Variants in HTR1F observed in about 807,000 individuals in gnomAD.
HTR1F encodes 5-hydroxytryptamine (serotonin) receptor 1F, G protein-coupled.
HTR1F carries 17 observed loss-of-function variants against 24.0 expected under a neutral mutation model. The observed-to-expected ratio is 0.71, with a 90% CI of 0.48 to 1.06. The LOEUF (loss-of-function observed/expected upper bound fraction) is 1.06. Among genes scored for constraint, HTR1F ranks in the 50% least tolerant of loss-of-function variants. The pLI, the probability that HTR1F is intolerant of heterozygous loss-of-function variation, is 0.00. For synonymous variants in HTR1F, 186 were observed against 156.8 expected, an observed-to-expected ratio of 1.19 and a Z score of -1.39; for missense variants, 391 against 427.8, an observed-to-expected ratio of 0.91 and a Z score of 0.76.
intron 2 of HTR1F, among the ~76,000 whole-genome samples, chr3:87,927,558 GAAAT>G (rs1704157264): frequency 6.6e-6 from 1 of 151,902 alleles, no homozygotes; most frequent in African/African-American, 2.4e-5. Context: ...ATTATATTTA[GAAAT>G]CTAAATAATC....
chr3:87,827,854 C>T (rs1326933444), intron 2 of HTR1F, among the ~76,000 whole-genome samples: 1 of 152,140 alleles, frequency 6.6e-6, no homozygotes, highest in Non-Finnish European at 1.5e-5. Flanking sequence ...ATCATAGTTT[C>T]AGTACAACTT....
intron 2 of HTR1F, among the ~76,000 whole-genome samples, chr3:87,941,345 A>T (rs1419592018): frequency 2.0e-5 from 3 of 152,222 alleles, no homozygotes; most frequent in Non-Finnish European, 4.4e-5. Context: ...AAGCCAGTAT[A>T]GGCTGGATAC....
intron 1 of HTR1F, among the ~76,000 whole-genome samples, chr3:87,809,827 C>T (rs2932270): frequency 0.4 from 61,245 of 151,784 alleles, 15,447 homozygotes; most frequent in African/African-American, 0.72. Context: ...TCATCTTGTC[C>T]AATGTTAGCC....
intron 2 of HTR1F, among the ~76,000 whole-genome samples, chr3:87,901,183 T>C (rs1379407887): frequency 6.6e-6 from 1 of 152,200 alleles, no homozygotes; most frequent in Non-Finnish European, 1.5e-5. Flanking sequence ...TTTGTTTTCA[T>C]ACCCCATCAT....
intron 2 of HTR1F, among the ~76,000 whole-genome samples, chr3:87,912,464 A>G (rs895318478): frequency 6.6e-6 from 1 of 152,132 alleles, no homozygotes; most frequent in African/African-American, 2.4e-5. Context: ...ATGGATAGAA[A>G]GAACCAATGT....
At chr3:87,874,677 C>A (rs1705631628) in intron 2 of HTR1F, among the ~76,000 whole-genome samples, 1 of 150,386 alleles carries the variant, frequency 6.6e-6, no homozygotes, top group Non-Finnish European at 1.5e-5. Context: ...TCAAAGGACA[C>A]CAAATAGCTG....
At chr3:87,931,798 G>A (rs1212799475) in intron 2 of HTR1F, among the ~76,000 whole-genome samples, 153 of 149,244 alleles carry the variant, frequency 1.0e-3, no homozygotes, top group Middle Eastern at 3.5e-3. Context: ...CTGATGGCCA[G>A]TGATGGTGAG....
intron 2 of HTR1F, among the ~76,000 whole-genome samples, chr3:87,880,334 C>T (rs910343731): frequency 2.0e-5 from 3 of 151,804 alleles, no homozygotes; most frequent in Non-Finnish European, 2.9e-5. Flanking sequence ...GATTACATCT[C>T]AATAAAATTT....
intron 2 of HTR1F, among the ~76,000 whole-genome samples, chr3:87,903,214 G>A (rs2107330432): frequency 6.6e-6 from 1 of 151,182 alleles, no homozygotes; most frequent in South Asian, 2.1e-4. Context: ...CATAGGCATG[G>A]GCAAGGACTT....
intron 2 of HTR1F, among the ~76,000 whole-genome samples, chr3:87,946,936 T>C (rs1032275290): frequency 9.2e-5 from 14 of 152,134 alleles, no homozygotes; most frequent in African/African-American, 2.4e-5. Context: ...ATATATATTA[T>C]TAAATCAGAG....
chr3:87,958,791 C>T (rs1705000176), intron 2 of HTR1F, among the ~76,000 whole-genome samples: 1 of 151,450 alleles, frequency 6.6e-6, no homozygotes, highest in African/African-American at 2.4e-5. Flanking sequence ...TCTGATTGTG[C>T]CTTATCTCCT....
At chr3:87,975,288 CA>C (rs201445346) in intron 2 of HTR1F, among the ~76,000 whole-genome samples, 3 of 150,794 alleles carry the variant, frequency 2.0e-5, no homozygotes, top group African/African-American at 4.9e-5. Context: ...ATCCAAATCT[CA>C]AAAAAAAATC....
At chr3:87,861,967 A>G (rs1422316058) in intron 2 of HTR1F, among the ~76,000 whole-genome samples, 1 of 152,158 alleles carries the variant, frequency 6.6e-6, no homozygotes, top group Non-Finnish European at 1.5e-5. Flanking sequence ...ATTCATGTAT[A>G]TCACATTTAA....
intron 2 of HTR1F, among the ~76,000 whole-genome samples, chr3:87,903,185 T>A (rs987040182): frequency 6.6e-6 from 1 of 151,730 alleles, no homozygotes; most frequent in East Asian, 1.9e-4. Flanking sequence ...GAAGAAAACC[T>A]AGGCATTACC....
chr3:87,818,497 G>C (rs1704291847), intron 1 of HTR1F, among the ~76,000 whole-genome samples: 1 of 152,194 alleles, frequency 6.6e-6, no homozygotes, highest in African/African-American at 2.4e-5. Context: ...CAGTAGAAAT[G>C]ATGGAAGATG....
intron 2 of HTR1F, among the ~76,000 whole-genome samples, chr3:87,906,159 A>G (rs1230199055): frequency 2.0e-5 from 3 of 152,266 alleles, no homozygotes; most frequent in Admixed American, 6.6e-5. Context: ...ACTCAGGGTA[A>G]AAATACCAAA....
At chr3:87,979,731 G>A (rs1211486335) in intron 2 of HTR1F, among the ~76,000 whole-genome samples, 1 of 152,220 alleles carries the variant, frequency 6.6e-6, no homozygotes, top group Non-Finnish European at 1.5e-5. Flanking sequence ...CCAAGGCATG[G>A]AGTGGAGCAG....
In HTR1F at chr3:87,878,383, ATG is replaced by A. The variant is rs536571627; in HGVS notation, c.-43+56264_-43+56265del. Among the ~76,000 whole-genome samples, 42 of 152,344 alleles carry A rather than the reference ATG, an allele frequency of 2.8e-4. No homozygotes were observed. In the South Asian group the frequency reaches 8.3e-3, roughly 30 times the overall value. ...AAGTAAATGCTAAATCATTTTATGT[ATG>A]TGTGAAATGTCCAATTGAAACAGAA... On this transcript the variant is annotated intron_variant, in intron 2 of 2. Transcript: ENST00000319595.
intron 2 of HTR1F, among the ~76,000 whole-genome samples, chr3:87,976,033 T>C (rs1296169908): frequency 6.6e-6 from 1 of 152,230 alleles, no homozygotes; most frequent in Non-Finnish European, 1.5e-5. Flanking sequence ...ATCATTTGTC[T>C]TGTTTATGCT....
Sources: allele counts gnomAD v4.1 joint callset (sites outside exome capture counted in the v4.1 genomes callset), GRCh38; gene constraint gnomAD v4.1.1; transcripts MANE v1.5; gene names NCBI Gene and HGNC (gene_info 2026-07-23, HGNC 2026-07-21).